The following KBTBD12 variants were observed in gnomAD, a reference collection of about 807,000 sequenced individuals.
KBTBD12 encodes kelch repeat and BTB domain-containing protein 12.
In KBTBD12, 53 loss-of-function variants were observed where a neutral mutation model predicts 58.7. That is an observed-to-expected ratio of 0.90 (90% CI 0.72 to 1.14). The LOEUF (loss-of-function observed/expected upper bound fraction) is 1.14. Among genes scored for constraint, KBTBD12 ranks in the 50% most tolerant of loss-of-function variants. The pLI is 0.00. For synonymous variants in KBTBD12, 236 were observed against 259.8 expected, an observed-to-expected ratio of 0.91 and a Z score of 0.88; for missense variants, 704 against 751.3, an observed-to-expected ratio of 0.94 and a Z score of 0.74.
In KBTBD12 at chr3:127,954,055, CTGT is replaced by C. The variant is rs139334763; in HGVS notation, c.1493-9129_1493-9127del. On this transcript the variant is annotated intron_variant, in intron 4 of 5. Coordinates refer to ENST00000405109, the MANE Select transcript of KBTBD12 (RefSeq NM_207335.4). ...GTTAGGAAGTGCAGAAAGGAGTGGT[CTGT>C]TGTTTAATGACAGAACCACTGACAT... Among the ~76,000 whole-genome samples, 51 of 152,182 alleles carry C rather than the reference CTGT, an allele frequency of 3.4e-4. No homozygotes were observed. In the East Asian group the frequency reaches 8.5e-3, roughly 25 times the overall value.
At chr3:127,946,954 T>C (rs965269102) in intron 4 of KBTBD12, among the ~76,000 whole-genome samples, 3 of 152,234 alleles carry the variant, frequency 2.0e-5, no homozygotes, top group African/African-American at 7.2e-5. Flanking sequence ...ATTTTTCATT[T>C]CTAGAATGTC....
chr3:127,957,859 A>T (rs1478211934), intron 4 of KBTBD12, among the ~76,000 whole-genome samples: 1 of 152,164 alleles, frequency 6.6e-6, no homozygotes, highest in Non-Finnish European at 1.5e-5. Flanking sequence ...AGAGCAATGT[A>T]TTTTCATAGG....
chr3:127,924,066 T>A lies in KBTBD12; in HGVS notation c.1005T>A (p.Ile335=), dbSNP rs975441798. 1 of 1,613,594 alleles carries A rather than the reference T, an allele frequency of 6.2e-7. No homozygotes were observed. The highest frequency in any genetic ancestry group is 1.3e-5 in the African/African-American group (1 of 74,902). Residue 335 remains isoleucine (I), a synonymous_variant, in exon 2 of 6, where the codon ATT becomes ATA. Coordinates refer to ENST00000405109, the MANE Select transcript of KBTBD12 (RefSeq NM_207335.4). ...TTGTCATGGAAAATAATACTATAAT[T>A]GTGGCTGGAGAAGCAAGTGCCTCTA... is the stretch of plus-strand genomic sequence containing the variant. ...TGVVMENNTI[I]VAGEASASKL...
At chr3:127,966,316 A>G (rs931381592) in intron 5 of KBTBD12, among the ~76,000 whole-genome samples, 4 of 152,194 alleles carry the variant, frequency 2.6e-5, no homozygotes, top group African/African-American at 9.7e-5. Flanking sequence ...AAAGTCTTTT[A>G]TGGCATCCCA....
intron 4 of KBTBD12, among the ~76,000 whole-genome samples, chr3:127,936,897 AT>A (rs1396188660): frequency 6.6e-6 from 1 of 152,160 alleles, no homozygotes; most frequent in East Asian, 1.9e-4. Context: ...AGTAATAATC[AT>A]AAATAAGCTC....
intron 1 of KBTBD12, among the ~76,000 whole-genome samples, chr3:127,920,759 C>T (rs1286439543): frequency 6.6e-6 from 1 of 151,804 alleles, no homozygotes; most frequent in Non-Finnish European, 1.5e-5. Flanking sequence ...AGGAGTATAA[C>T]TGCTTTTTGG....
chr3:127,980,009 T>C (rs1940847001), intron 5 of KBTBD12, among the ~76,000 whole-genome samples: 1 of 152,214 alleles, frequency 6.6e-6, no homozygotes, highest in South Asian at 2.1e-4. Flanking sequence ...TTTTCCTAAA[T>C]AAGTCTTGGG....
At chr3:127,934,466 A>G (rs753766694) in intron 4 of KBTBD12, among the ~76,000 whole-genome samples, 1 of 152,148 alleles carries the variant, frequency 6.6e-6, no homozygotes, top group Non-Finnish European at 1.5e-5. Flanking sequence ...CAAACCTATG[A>G]ACAGATGTTT....
At chr3:127,929,618 C>T (rs1054166130) in intron 3 of KBTBD12, among the ~76,000 whole-genome samples, 3 of 151,902 alleles carry the variant, frequency 2.0e-5, no homozygotes, top group African/African-American at 7.3e-5. Context: ...GAATTTACAC[C>T]ATTCCTATAT....
intron 1 of KBTBD12, among the ~76,000 whole-genome samples, chr3:127,916,593 CG>C (rs1290441910): frequency 6.6e-6 from 1 of 151,574 alleles, no homozygotes; most frequent in African/African-American, 2.4e-5. Context: ...ACATTGTTGC[CG>C]CTTGGGAATT....
Position 127,986,111 on chromosome 3 carries a change from G to A in KBTBD12, c.*1833G>A, listed in dbSNP as rs77267898. The A allele has an allele frequency of 0.063, 9,648 of 152,598 alleles. 350 individuals are homozygous for A. The highest frequency in any genetic ancestry group is 0.15 in the South Asian group (702 of 4,806). 9.5% of individuals were successfully genotyped at this position (152,598 alleles called of 1,614,324 possible). On this transcript the variant is annotated 3_prime_UTR_variant, in exon 6 of 6. Coordinates refer to ENST00000405109, the MANE Select transcript of KBTBD12 (RefSeq NM_207335.4). ...TCCAGAAAGCTGCCGCGTCTCCCTG[G>A]CTCAAGGAGGCCTTGTTGGCATGTC... is the stretch of plus-strand genomic sequence containing the variant.
At chr3:127,929,424 A>G (rs527950071) in intron 3 of KBTBD12, among the ~76,000 whole-genome samples, 3 of 152,206 alleles carry the variant, frequency 2.0e-5, no homozygotes, top group Admixed American at 1.3e-4. Context: ...TTGAAGTCAT[A>G]TTAAGTTCCA....
intron 3 of KBTBD12, among the ~76,000 whole-genome samples, chr3:127,929,335 A>G (rs1274793395): frequency 2.0e-5 from 3 of 152,214 alleles, no homozygotes; most frequent in Non-Finnish European, 4.4e-5. Flanking sequence ...AATTAATTGC[A>G]TAAACTTTCA....
chr3:127,929,837 G>T (rs191319572), intron 3 of KBTBD12, among the ~76,000 whole-genome samples: 214 of 151,686 alleles, frequency 1.4e-3, no homozygotes, highest in African/African-American at 4.9e-3. Flanking sequence ...TGTTTTTAAG[G>T]CTTTGCAGTT....
chr3:127,961,181 T>C (rs1940432093), intron 4 of KBTBD12, among the ~76,000 whole-genome samples: 1 of 152,174 alleles, frequency 6.6e-6, no homozygotes, highest in Admixed American at 6.5e-5. Flanking sequence ...TTGTTTCAAC[T>C]CCTATGGTTA....
At chr3:127,970,427 T>C (rs1020471189) in intron 5 of KBTBD12, among the ~76,000 whole-genome samples, 1 of 152,160 alleles carries the variant, frequency 6.6e-6, no homozygotes, top group Non-Finnish European at 1.5e-5. Flanking sequence ...CCTAGGTATA[T>C]ATCCAAGAGA....
At chr3:127,971,317 T>C (rs1395315135) in intron 5 of KBTBD12, among the ~76,000 whole-genome samples, 1 of 152,156 alleles carries the variant, frequency 6.6e-6, no homozygotes, top group Non-Finnish European at 1.5e-5. Context: ...GAGGGCATCT[T>C]GGTGATAATC....
Position 127,917,532 on chromosome 3 carries a change from C to T in KBTBD12, c.-113+1946C>T, listed in dbSNP as rs1487074561. ...GATCAACTTAACTTTCTGCTCCTCT[C>T]CCTGGAGGTCAGGGGATGGAGCTGA... is the stretch of plus-strand genomic sequence containing the variant. On this transcript the variant is annotated intron_variant, in intron 1 of 5. Transcript: ENST00000405109. Among the ~76,000 whole-genome samples, 5 of 152,162 alleles carry T rather than the reference C, an allele frequency of 3.3e-5. No homozygotes were observed. In the East Asian group the frequency reaches 5.8e-4, roughly 18 times the overall value.
intron 4 of KBTBD12, among the ~76,000 whole-genome samples, chr3:127,942,028 CAGAAGTGA>C (rs1407653203): frequency 1.3e-5 from 2 of 152,088 alleles, no homozygotes; most frequent in Admixed American, 6.6e-5. Context: ...TAAAGTTGTG[CAGAAGTGA>C]AGAAATGAAC....
Sources: gnomAD v4.1 joint callset for allele counts (sites outside exome capture counted in the v4.1 genomes callset) on GRCh38, gnomAD v4.1.1 for gene constraint, MANE v1.5 for transcripts, NCBI Gene and HGNC (gene_info 2026-07-23, HGNC 2026-07-21) for gene names.